NBEA: variants seen among roughly 807,000 people sequenced by gnomAD.
The protein encoded by NBEA is neurobeachin, also known as lysosomal-trafficking regulator 2.
NBEA carries 44 observed loss-of-function variants against 343.4 expected under a neutral mutation model. The ratio of observed to expected loss-of-function variants is 0.13; its 90% CI spans 0.10 to 0.16. The LOEUF (loss-of-function observed/expected upper bound fraction) is 0.16, where lower values mean the gene tolerates loss of function less well. Among genes scored for constraint, NBEA ranks in the 10% least tolerant of loss-of-function variants. The pLI is 1.00. For synonymous variants in NBEA, 1,175 were observed against 1,238.7 expected, an observed-to-expected ratio of 0.95 and a Z score of 1.08; for missense variants, 2,555 against 3,631.3, an observed-to-expected ratio of 0.70 and a Z score of 7.62.
intron 1 of NBEA, among the ~76,000 whole-genome samples, chr13:34,958,736 G>C (rs1217744572): frequency 6.6e-6 from 1 of 152,076 alleles, no homozygotes; most frequent in Non-Finnish European, 1.5e-5. Context: ...AGTAAACTGA[G>C]AGTGTTTGGA....
intron 34 of NBEA, among the ~76,000 whole-genome samples, chr13:35,245,544 A>G (rs1309124614): frequency 1.3e-5 from 2 of 152,112 alleles, no homozygotes; most frequent in Non-Finnish European, 2.9e-5. Flanking sequence ...TCATTTATGA[A>G]GATTAGTTTC....
chr13:35,137,164 C>T (rs1455029380), intron 17 of NBEA, among the ~76,000 whole-genome samples: 1 of 151,784 alleles, frequency 6.6e-6, no homozygotes, highest in East Asian at 1.9e-4. Context: ...AGAAAAAAGC[C>T]CTTTGGCCGG....
chr13:35,294,621 G>A (rs1182252816), intron 35 of NBEA, among the ~76,000 whole-genome samples: 1 of 152,074 alleles, frequency 6.6e-6, no homozygotes, highest in African/African-American at 2.4e-5. Flanking sequence ...GGTTACTAAA[G>A]ACTTACACAT....
chr13:35,353,190 C>T (rs1327381201), intron 38 of NBEA, among the ~76,000 whole-genome samples: 2 of 152,116 alleles, frequency 1.3e-5, no homozygotes, highest in Non-Finnish European at 2.9e-5. Flanking sequence ...AATCCCAGCA[C>T]TTTGGGAGGC....
At chr13:35,634,876 G>A (rs2083627884) in intron 49 of NBEA, among the ~76,000 whole-genome samples, 3 of 152,054 alleles carry the variant, frequency 2.0e-5, no homozygotes, top group African/African-American at 7.2e-5. Flanking sequence ...ATCGGCTATG[G>A]TGAAAATATG....
At chr13:35,666,507 G>A (rs1469532964) in intron 56 of NBEA, among the ~76,000 whole-genome samples, 1 of 151,846 alleles carries the variant, frequency 6.6e-6, no homozygotes. Flanking sequence ...ATGATTGCTG[G>A]TGTTTTCCTA....
rs1375009922 is a variant in NBEA, at chr13:35,672,216, G to T, written c.*1225G>T. ...CATGTTTCTTCTTTGTATATTTGGT[G>T]ACTGTATCGTCATAGATGTACATAT... On this transcript the variant is annotated 3_prime_UTR_variant, in exon 59 of 59. Transcript: ENST00000379939. 1 of 152,562 alleles carries T rather than the reference G, an allele frequency of 6.6e-6. No homozygotes were observed. Among genetic ancestry groups the T allele is most frequent in the East Asian group, 1.9e-4 (1 of 5,188 alleles). 9.5% of individuals were successfully genotyped at this position (152,562 alleles called of 1,614,324 possible). A position where few individuals can be genotyped will look rare whatever the true frequency, so the allele number is the denominator to read the frequency against.
intron 41 of NBEA, among the ~76,000 whole-genome samples, chr13:35,490,866 G>A (rs1350394386): frequency 6.6e-6 from 1 of 151,916 alleles, no homozygotes; most frequent in Non-Finnish European, 1.5e-5. Flanking sequence ...GGAGTTAGCA[G>A]AGTTAAGATT....
chr13:35,262,347 G>T (rs2033281926), intron 34 of NBEA, among the ~76,000 whole-genome samples: 1 of 152,162 alleles, frequency 6.6e-6, no homozygotes, highest in South Asian at 2.1e-4. Context: ...CTGAAGAAAT[G>T]AAACTTATGT....
intron 40 of NBEA, among the ~76,000 whole-genome samples, chr13:35,469,635 G>A (rs976624120): frequency 5.3e-5 from 8 of 152,170 alleles, no homozygotes; most frequent in African/African-American, 1.4e-4. Flanking sequence ...TATGTGTGCC[G>A]AGGACATTAT....
intron 41 of NBEA, among the ~76,000 whole-genome samples, chr13:35,483,691 C>T (rs950265902): frequency 1.3e-5 from 2 of 151,930 alleles, no homozygotes; most frequent in Non-Finnish European, 2.9e-5. Context: ...TATTTAAATG[C>T]TTTCTGTTTT....
intron 41 of NBEA, among the ~76,000 whole-genome samples, chr13:35,527,522 C>T (rs1412686482): frequency 6.6e-6 from 1 of 152,212 alleles, no homozygotes; most frequent in Non-Finnish European, 1.5e-5. Flanking sequence ...CCCTCCTGAG[C>T]TCCTGGGTGC....
chr13:35,312,231 A>C (rs2243774), intron 36 of NBEA, among the ~76,000 whole-genome samples: 33,726 of 152,082 alleles, frequency 0.22, 4,282 homozygotes, highest in African/African-American at 0.35. Context: ...CCACAGAATA[A>C]TTTACCTAGT....
At chr13:35,666,403 G>C (rs1006668179) in intron 56 of NBEA, among the ~76,000 whole-genome samples, 4 of 146,122 alleles carry the variant, frequency 2.7e-5, no homozygotes, top group African/African-American at 1.0e-4. Flanking sequence ...ATTTTACCCT[G>C]TGAAGTTAAA....
At chr13:35,342,473 A>C (rs958514760) in intron 36 of NBEA, among the ~76,000 whole-genome samples, 1 of 152,102 alleles carries the variant, frequency 6.6e-6, no homozygotes. Context: ...CTTACAATGT[A>C]TGCATGTCAG....
chr13:35,649,969 A>C (rs142187497), intron 52 of NBEA, 122 bp downstream of exon 52: 9 of 964,492 alleles, frequency 9.3e-6, no homozygotes, highest in Non-Finnish European at 1.4e-5. Flanking sequence ...CAGCAGACTA[A>C]ATAAATAATT....
intron 6 of NBEA, among the ~76,000 whole-genome samples, 170 bp from the exon 7 acceptor site, chr13:35,055,840 C>T (rs1363780583): frequency 6.6e-6 from 1 of 152,050 alleles, no homozygotes; most frequent in African/African-American, 2.4e-5. Flanking sequence ...TGTGCCACTT[C>T]TACCATCTGT....
At chr13:35,090,643 T>C (rs1372405480) in intron 10 of NBEA, among the ~76,000 whole-genome samples, 2 of 151,898 alleles carry the variant, frequency 1.3e-5, no homozygotes, top group African/African-American at 2.4e-5. Context: ...CTAATTAGTA[T>C]GTTGAGATCA....
intron 33 of NBEA, among the ~76,000 whole-genome samples, chr13:35,217,167 A>G (rs765291919): frequency 1.3e-5 from 2 of 151,938 alleles, no homozygotes; most frequent in African/African-American, 2.4e-5. Context: ...TTTTCCATCA[A>G]TATGTCTCCT....
Sources: allele counts gnomAD v4.1 joint callset (sites outside exome capture counted in the v4.1 genomes callset), GRCh38; gene constraint gnomAD v4.1.1; transcripts MANE v1.5; gene names NCBI Gene and HGNC (gene_info 2026-07-23, HGNC 2026-07-21).